ZNF567: variants seen among roughly 807,000 people sequenced by gnomAD.
ZNF567 encodes zinc finger protein 567.
A neutral mutation model predicts 53.9 loss-of-function variants in ZNF567; 36 were observed. The ratio of observed to expected loss-of-function variants is 0.67; its 90% CI spans 0.51 to 0.88. ZNF567 has a LOEUF of 0.88. ZNF567 is among the 40% of genes least tolerant of loss of function. ZNF567 has a pLI of 0.00. For missense variants in ZNF567, 619 were observed against 764.7 expected (o/e 0.81, Z 2.25); for synonymous variants, 224 against 260.4 (o/e 0.86, Z 1.35).
chr19:36,680,439 A>C, the ZNF567 span, among the ~76,000 whole-genome samples: 4 of 152,192 alleles, frequency 2.6e-5, no homozygotes, highest in Non-Finnish European at 5.9e-5. Context: ...TCTTCAGGGC[A>C]GATTCCTAAC....
chr19:36,723,301 C>G, downstream of ZNF567: 2 of 699,108 alleles, frequency 2.9e-6, no homozygotes, highest in South Asian at 3.0e-5. Context: ...TTTTGCATTT[C>G]CAGACATTTC....
intron 3 of ZNF567, 92 bp downstream of exon 3, chr19:36,694,968 TCCTA>T: frequency 7.4e-7 from 1 of 1,356,560 alleles, no homozygotes; most frequent in Non-Finnish European, 9.8e-7. Flanking sequence ...TCCTACATCC[TCCTA>T]CCTATCTTTC....
chr19:36,701,371 G>C (rs1452571750), intron 3 of ZNF567, among the ~76,000 whole-genome samples: 1 of 151,148 alleles, frequency 6.6e-6, no homozygotes, highest in Non-Finnish European at 1.5e-5. Flanking sequence ...AATAGGTGTG[G>C]TGTGGTGCTG....
At chr19:36,724,701 A>G (rs1322248551), downstream of ZNF567, among the ~76,000 whole-genome samples, 1 of 148,130 alleles carries the variant, frequency 6.8e-6, no homozygotes, top group Non-Finnish European at 1.5e-5. Context: ...AAAAAAAATT[A>G]GCTGAGCTTG....
chr19:36,703,488 G>C (rs1600533059), intron 3 of ZNF567, among the ~76,000 whole-genome samples: 1 of 152,264 alleles, frequency 6.6e-6, no homozygotes, highest in East Asian at 1.9e-4. Flanking sequence ...TAAGTCTGCA[G>C]AGGTTACTGC....
Position 36,702,909 on chromosome 19 carries a change from CCTT to C in ZNF567, c.9+8039_9+8041del, listed in dbSNP as rs759769575. On this transcript the variant is annotated intron_variant, in intron 3 of 5. Coordinates refer to ENST00000682579, the MANE Select transcript of ZNF567 (RefSeq NM_001322917.1). ...CTCAGAGTAGTTTGATCATCTGAAG[CCTT>C]CTTCTCTCAACTCGTCAAAGTCATT... 1.6e-3 allele frequency among the ~76,000 whole-genome samples: 246 copies of C among 152,262 alleles called. 2 individuals carry two copies. The highest frequency in any genetic ancestry group is 3.5e-3 in the South Asian group (17 of 4,814).
chr19:36,726,966 T>G (rs2040336893), downstream of ZNF567: 1 of 131,104 alleles, frequency 7.6e-6, no homozygotes, highest in African/African-American at 3.0e-5. Context: ...TTGAGTTTCT[T>G]TCTTTCTTTC....
the ZNF567 span, among the ~76,000 whole-genome samples, chr19:36,679,396 G>A: frequency 2.0e-5 from 3 of 152,278 alleles, no homozygotes; most frequent in South Asian, 6.2e-4. Flanking sequence ...GAACACTGTT[G>A]CGAGCACTGT....
At chr19:36,724,400 A>T (rs1246970863), downstream of ZNF567, among the ~76,000 whole-genome samples, 1 of 151,684 alleles carries the variant, frequency 6.6e-6, no homozygotes, top group Non-Finnish European at 1.5e-5. Flanking sequence ...CAGATTTCTC[A>T]GGCCAGGTGT....
downstream of ZNF567, among the ~76,000 whole-genome samples, chr19:36,725,549 G>A (rs117144164): frequency 3.9e-5 from 6 of 152,284 alleles, no homozygotes; most frequent in South Asian, 2.1e-4. Context: ...ACGGTGTTAC[G>A]TTTTGGGGAT....
At chr19:36,670,994 C>T in the ZNF567 span, among the ~76,000 whole-genome samples, 6 of 152,082 alleles carry the variant, frequency 3.9e-5, no homozygotes, top group Non-Finnish European at 5.9e-5. Flanking sequence ...CCCAGCTACT[C>T]GGGAGGCTGA....
rs771484676 is a variant in ZNF567 at position 36,720,520 on chromosome 19, G to T, written c.1796G>T (p.Arg599Leu). 1.2e-6 allele frequency: 2 copies of T among 1,614,026 alleles called. No homozygotes were observed. The highest frequency in any genetic ancestry group is 1.1e-5 in the South Asian group (1 of 91,072). ...TGTAGTGAATGTGGAAAGTGCTTCC[G>T]CCAGAAGACAAATCTTATTGTACAT... is the stretch of plus-strand genomic sequence containing the variant. ...YKCSECGKCF[R>L]QKTNLIVHQR... Residue 599 changes from arginine (R) to leucine (L), a missense_variant, in exon 6 of 6, where the codon CGC (arginine) becomes CTC (leucine). Physicochemically the swap from Arg to Leu is moderately radical, Grantham distance 102. Transcript: ENST00000682579.
chr19:36,692,507 G>C (rs939301759), intron 2 of ZNF567, among the ~76,000 whole-genome samples: 1 of 151,962 alleles, frequency 6.6e-6, no homozygotes, highest in Non-Finnish European at 1.5e-5. Flanking sequence ...TGAGTAGCTG[G>C]GACTACAGGT....
the ZNF567 span, among the ~76,000 whole-genome samples, chr19:36,671,101 C>G: frequency 6.6e-6 from 1 of 152,078 alleles, no homozygotes; most frequent in Non-Finnish European, 1.5e-5. Flanking sequence ...GACTCCGTCT[C>G]AAAACAAACA....
chr19:36,727,335 G>C (rs2040339810), downstream of ZNF567: 1 of 150,212 alleles, frequency 6.7e-6, no homozygotes, highest in African/African-American at 2.5e-5. Flanking sequence ...GCCTCCCAAA[G>C]TGCTGGGATT....
Position 36,692,094 on chromosome 19 carries a change from A to G in ZNF567, c.-67+2597A>G, listed in dbSNP as rs1043012722. Among the ~76,000 whole-genome samples the G allele has an allele frequency of 3.9e-5, 6 of 152,354 alleles. No homozygotes were observed. In the South Asian group the frequency reaches 6.2e-4, roughly 16 times the overall value. ...GGTTGTTTCCAGTTCTGAGGTGGTT[A>G]TGAATAAAACTGCTACGAACATTCA... On this transcript the variant is annotated intron_variant, in intron 2 of 5. Coordinates refer to ENST00000682579, the MANE Select transcript of ZNF567 (RefSeq NM_001322917.1).
At chr19:36,699,114 G>A (rs2039042320) in intron 3 of ZNF567, among the ~76,000 whole-genome samples, 1 of 151,952 alleles carries the variant, frequency 6.6e-6, no homozygotes, top group South Asian at 2.1e-4. Flanking sequence ...TGTAAGGAAG[G>A]GATCCAGTTT....
chr19:36,692,008 G>A (rs1050318110), intron 2 of ZNF567, among the ~76,000 whole-genome samples: 1 of 152,196 alleles, frequency 6.6e-6, no homozygotes, highest in Admixed American at 6.5e-5. Context: ...GTATAAAGTA[G>A]TATTCCATTG....
At chr19:36,723,649 A>G (rs2040321780), downstream of ZNF567, among the ~76,000 whole-genome samples, 1 of 152,078 alleles carries the variant, frequency 6.6e-6, no homozygotes, top group African/African-American at 2.4e-5. Context: ...CAGCCTGGCC[A>G]AGAGTGAAAC....
Sources: gnomAD v4.1 joint callset for allele counts (sites outside exome capture counted in the v4.1 genomes callset) on GRCh38, gnomAD v4.1.1 for gene constraint, MANE v1.5 for transcripts, NCBI Gene and HGNC (gene_info 2026-07-23, HGNC 2026-07-21) for gene names.